CLEC4C: variants seen among roughly 807,000 people sequenced by gnomAD.
CLEC4C encodes the protein C-type lectin domain family 4 member C, also known as C-type (calcium dependent, carbohydrate-recognition domain) lectin, superfamily member 11.
In CLEC4C, 17 loss-of-function variants were observed where a neutral mutation model predicts 27.7. That is an observed-to-expected ratio of 0.61 (90% CI 0.42 to 0.92). The LOEUF (loss-of-function observed/expected upper bound fraction) is 0.92, where lower values mean the gene tolerates loss of function less well. CLEC4C is among the 40% of genes least tolerant of loss of function. CLEC4C has a pLI of 0.00. For missense variants in CLEC4C, 244 were observed against 257.3 expected, an observed-to-expected ratio of 0.95 and a Z score of 0.35; for synonymous variants, 80 against 80.8, an observed-to-expected ratio of 0.99 and a Z score of 0.06.
intron 2 of CLEC4C, among the ~76,000 whole-genome samples, chr12:7,743,376 ATTCT>A (rs757011062): frequency 3.5e-5 from 5 of 142,236 alleles, no homozygotes; most frequent in Non-Finnish European, 4.7e-5. Flanking sequence ...TCCTCACTTA[ATTCT>A]TTTTTTTTTT....
Position 7,732,464 on chromosome 12 carries a change from G to T in CLEC4C, c.382-1552C>A, listed in dbSNP as rs1473462201. Among the ~76,000 whole-genome samples, 5 of 151,458 alleles carry T rather than the reference G, an allele frequency of 3.3e-5. 1 individual carries two copies. Among genetic ancestry groups the T allele is most frequent in the African/African-American group, 1.2e-4 (5 of 41,148 alleles). On this transcript the variant is annotated intron_variant, in intron 4 of 5. Coordinates refer to ENST00000360345, the MANE Select transcript of CLEC4C (RefSeq NM_001371390.1). ...AATCCCTGGTTCAAGCGGTTCTTCT[G>T]CCTCAGGCTCCAGAGTAGCTGGGAT...
intron 3 of CLEC4C, among the ~76,000 whole-genome samples, chr12:7,739,096 TAA>T (rs1248708090): frequency 6.6e-6 from 1 of 151,742 alleles, no homozygotes; most frequent in Non-Finnish European, 1.5e-5. Context: ...TTTTTCCCTA[TAA>T]GTAAAGAATG....
At chr12:7,742,509 T>C (rs1489239936) in intron 2 of CLEC4C, among the ~76,000 whole-genome samples, 1 of 90,936 alleles carries the variant, frequency 1.1e-5, no homozygotes, top group Non-Finnish European at 2.4e-5. Flanking sequence ...AGACTTTGTC[T>C]CGAAAAAAAA....
upstream of CLEC4C, among the ~76,000 whole-genome samples, chr12:7,748,926 C>T (rs1020374729): frequency 6.6e-6 from 1 of 152,148 alleles, no homozygotes; most frequent in African/African-American, 2.4e-5. Context: ...TTGAGTATGA[C>T]CAGAGTATTG....
upstream of CLEC4C, among the ~76,000 whole-genome samples, chr12:7,748,153 AAT>A (rs1375423019): frequency 1.3e-5 from 2 of 152,186 alleles, no homozygotes; most frequent in African/African-American, 2.4e-5. Flanking sequence ...CTACTGGTGA[AAT>A]AGACACTGAG....
intron 3 of CLEC4C, among the ~76,000 whole-genome samples, chr12:7,740,817 CCT>C (rs1294313902): frequency 4.6e-5 from 7 of 151,104 alleles, no homozygotes; most frequent in South Asian, 4.2e-4. Flanking sequence ...TCTGAGGACC[CCT>C]GTTTGATACT....
At chr12:7,730,122 A>G (rs1864561612) in intron 5 of CLEC4C, among the ~76,000 whole-genome samples, 2 of 152,190 alleles carry the variant, frequency 1.3e-5, no homozygotes, top group Non-Finnish European at 2.9e-5. Context: ...AGTCACAAGT[A>G]TTAATCAGGT....
chr12:7,746,213 C>CAA (rs932573091), intron 2 of CLEC4C, 118 bp downstream of exon 2: 1,238 of 413,056 alleles, frequency 3.0e-3, no homozygotes, highest in South Asian at 6.5e-3. Flanking sequence ...GATTCCGTCT[C>CAA]AAAAAAAAAA....
At chr12:7,734,748 A>T (rs781652252) in intron 4 of CLEC4C, among the ~76,000 whole-genome samples, 1 of 151,914 alleles carries the variant, frequency 6.6e-6, no homozygotes, top group East Asian at 2.0e-4. Context: ...GGGTTTCGCC[A>T]TGTTGGCCAG....
intron 4 of CLEC4C, among the ~76,000 whole-genome samples, chr12:7,733,794 T>TG (rs1332807140): frequency 6.6e-6 from 1 of 151,946 alleles, no homozygotes; most frequent in East Asian, 1.9e-4. Context: ...AAGCTGGTCT[T>TG]GAACTCCTGG....
At chr12:7,748,750 T>C (rs908948734), upstream of CLEC4C, among the ~76,000 whole-genome samples, 1 of 152,152 alleles carries the variant, frequency 6.6e-6, no homozygotes, top group Admixed American at 6.6e-5. Context: ...TATGAGGGTA[T>C]TCCTTTGAGT....
At chr12:7,745,171 G>T (rs61938702) in intron 2 of CLEC4C, among the ~76,000 whole-genome samples, 3,663 of 152,072 alleles carry the variant, frequency 0.024, 68 homozygotes, top group Admixed American at 0.05. Context: ...GAAGATAGGG[G>T]CTTTGGGAGG....
At position 7,737,503 on chromosome 12, in the gene CLEC4C, A is replaced by G; in HGVS notation, c.307T>C (p.Ser103Pro). 1 of 1,614,046 alleles carries G rather than the reference A, an allele frequency of 6.2e-7. No homozygotes were observed. Among genetic ancestry groups the G allele is most frequent in the African/African-American group, 1.3e-5 (1 of 75,046 alleles). The change falls in exon 4 of 6, where the codon TCT (serine) becomes CCT (proline). Residue 103 changes from serine (S) to proline (P), a missense_variant. Coordinates refer to ENST00000360345, the MANE Select transcript of CLEC4C (RefSeq NM_001371390.1). ...SCYFISTGMQ[S>P]WTKSQKNCSV... ...CAGTTCTTTTGACTCTTAGTCCAAG[A>G]TTGCATCCCAGTAGAAATAAAGTAG...
chr12:7,744,271 T>C (rs1042739075), intron 2 of CLEC4C, among the ~76,000 whole-genome samples: 1 of 152,210 alleles, frequency 6.6e-6, no homozygotes, highest in Non-Finnish European at 1.5e-5. Flanking sequence ...CCCTTTGTTA[T>C]AAAAAGCAAA....
upstream of CLEC4C, among the ~76,000 whole-genome samples, chr12:7,748,141 A>G (rs1015076213): frequency 1.5e-4 from 23 of 152,168 alleles, no homozygotes; most frequent in African/African-American, 4.6e-4. Flanking sequence ...GGATGGTTAC[A>G]ACTACTGGTG....
chr12:7,738,686 G>C (rs1031895917), intron 3 of CLEC4C, among the ~76,000 whole-genome samples: 2 of 151,986 alleles, frequency 1.3e-5, no homozygotes, highest in Admixed American at 1.3e-4. Context: ...ATTATTTGTA[G>C]AGACAGAGTC....
chr12:7,748,125 G>A (rs764632982), upstream of CLEC4C, among the ~76,000 whole-genome samples: 1 of 152,230 alleles, frequency 6.6e-6, no homozygotes, highest in South Asian at 2.1e-4. Flanking sequence ...GAGATGTTTG[G>A]TTGAAGGATG....
chr12:7,743,534 G>A (rs7137467), intron 2 of CLEC4C, among the ~76,000 whole-genome samples: 33,130 of 151,686 alleles, frequency 0.22, 4,304 homozygotes, highest in Admixed American at 0.31. Context: ...ACAGGCGCCC[G>A]CCACCGCGCC....
intron 2 of CLEC4C, among the ~76,000 whole-genome samples, chr12:7,744,002 C>T (rs1864918873): frequency 6.6e-6 from 1 of 152,036 alleles, no homozygotes; most frequent in Non-Finnish European, 1.5e-5. Context: ...AGAGAGGGTG[C>T]AAGAGAGAGT....
Sources: gnomAD v4.1 joint callset for allele counts (sites outside exome capture counted in the v4.1 genomes callset) on GRCh38, gnomAD v4.1.1 for gene constraint, MANE v1.5 for transcripts, NCBI Gene and HGNC (gene_info 2026-07-23, HGNC 2026-07-21) for gene names.